MTHFS: variants seen among roughly 807,000 people sequenced by gnomAD.
The protein encoded by MTHFS is 5-formyltetrahydrofolate cyclo-ligase.
A neutral mutation model predicts 12.7 loss-of-function variants in MTHFS; 7 were observed. The observed-to-expected ratio is 0.55, with a 90% confidence interval of 0.31 to 1.03. The LOEUF is 1.03. Among genes scored for constraint, MTHFS ranks in the 50% least tolerant of loss-of-function variants. The pLI, the probability that MTHFS is intolerant of heterozygous loss-of-function variation, is 0.05. For missense variants in MTHFS, 252 were observed against 258.1 expected (o/e 0.98, Z 0.16); for synonymous variants, 100 against 97.1 (o/e 1.03, Z -0.18).
At chr15:79,896,128 C>T (rs1399264010) in intron 1 of MTHFS, among the ~76,000 whole-genome samples, 1 of 152,212 alleles carries the variant, frequency 6.6e-6, no homozygotes. Context: ...CCAACAAACA[C>T]GGACCCTCAC....
intron 2 of MTHFS, among the ~76,000 whole-genome samples, chr15:79,859,248 A>C (rs2033866468): frequency 6.6e-6 from 1 of 152,270 alleles, no homozygotes; most frequent in African/African-American, 2.4e-5. Context: ...TAAAAAATAA[A>C]TTTAGAATAG....
intron 2 of MTHFS, among the ~76,000 whole-genome samples, chr15:79,861,277 G>A (rs901956048): frequency 1.3e-5 from 2 of 152,068 alleles, no homozygotes; most frequent in African/African-American, 4.8e-5. Flanking sequence ...CCAAAACCTT[G>A]ATCCTAACCA....
chr15:79,855,217 G>C (rs2033778828), intron 2 of MTHFS, among the ~76,000 whole-genome samples: 1 of 152,022 alleles, frequency 6.6e-6, no homozygotes. Context: ...TCCTATCTTA[G>C]CAGATACTGA....
At chr15:79,875,655 C>T (rs1013650262) in intron 2 of MTHFS, among the ~76,000 whole-genome samples, 10 of 152,026 alleles carry the variant, frequency 6.6e-5, no homozygotes, top group African/African-American at 2.2e-4. Context: ...ATCTTCATGA[C>T]CTTGGATTAG....
intron 2 of MTHFS, chr15:79,877,245 T>A (rs146828914): frequency 1.3e-5 from 2 of 151,798 alleles, no homozygotes; most frequent in Admixed American, 1.3e-4. Context: ...AGAATACCAA[T>A]ATACTATACA....
chr15:79,896,715 GGC>G, intron 1 of MTHFS, 155 bp downstream of exon 1: 3 of 1,279,926 alleles, frequency 2.3e-6, no homozygotes, highest in Non-Finnish European at 3.1e-6. Context: ...ACGACTAGGG[GGC>G]GTGCGCGCGC....
At chr15:79,896,749 G>C in intron 1 of MTHFS, 123 bp downstream of exon 1, 1 of 1,377,916 alleles carries the variant, frequency 7.3e-7, no homozygotes, top group Non-Finnish European at 9.4e-7. Flanking sequence ...ACGTGCGCGC[G>C]CCGGGGGGTG....
intron 2 of MTHFS, among the ~76,000 whole-genome samples, chr15:79,853,744 T>C (rs1164672935): frequency 2.6e-5 from 4 of 152,180 alleles, no homozygotes; most frequent in Admixed American, 6.5e-5. Context: ...GCTCAAGCCT[T>C]AGGCAGAGCA....
chr15:79,869,423 T>A (rs1389944563), intron 2 of MTHFS, among the ~76,000 whole-genome samples: 1 of 152,174 alleles, frequency 6.6e-6, no homozygotes, highest in African/African-American at 2.4e-5. Flanking sequence ...AATCTGAGAT[T>A]TGTAACAATT....
chr15:79,881,544 C>T (rs1340642796), intron 2 of MTHFS, among the ~76,000 whole-genome samples: 1 of 150,456 alleles, frequency 6.6e-6, no homozygotes, highest in Non-Finnish European at 1.5e-5. Flanking sequence ...GTAGCTGGTT[C>T]TTCCTGTGTA....
chr15:79,883,149 A>G (rs912043444), intron 2 of MTHFS, among the ~76,000 whole-genome samples: 1 of 152,218 alleles, frequency 6.6e-6, no homozygotes, highest in Non-Finnish European at 1.5e-5. Context: ...GGTTACAGTT[A>G]GCTATGATTA....
intron 1 of MTHFS, 127 bp from the exon 2 acceptor site, chr15:79,889,481 G>T: frequency 1.5e-6 from 2 of 1,368,438 alleles, no homozygotes; most frequent in Admixed American, 2.7e-5. Context: ...AAAAGGGGGG[G>T]GGACCAGAGT....
chr15:79,864,812 T>C (rs893512024), intron 2 of MTHFS, among the ~76,000 whole-genome samples: 1 of 151,958 alleles, frequency 6.6e-6, no homozygotes, highest in Non-Finnish European at 1.5e-5. Flanking sequence ...AAAGGCAGAG[T>C]GGACATAATT....
At chr15:79,891,546 GGA>G (rs1472214798) in intron 1 of MTHFS, among the ~76,000 whole-genome samples, 1 of 152,014 alleles carries the variant, frequency 6.6e-6, no homozygotes, top group East Asian at 1.9e-4. Context: ...AAACAACTTA[GGA>G]GAAAGCCGTG....
intron 2 of MTHFS, chr15:79,877,321 A>T (rs893255127): frequency 3.9e-5 from 6 of 152,112 alleles, no homozygotes; most frequent in Non-Finnish European, 8.8e-5. Flanking sequence ...TTTGAAAAAT[A>T]ATGGCTGAGA....
upstream of MTHFS, chr15:79,897,143 G>A: frequency 1.6e-6 from 1 of 638,228 alleles, no homozygotes; most frequent in South Asian, 3.1e-5. Flanking sequence ...GCGGGCCCGC[G>A]GCGCGCCGCG....
At chr15:79,847,063 T>G (rs1157113942) in intron 2 of MTHFS, among the ~76,000 whole-genome samples, 1 of 152,102 alleles carries the variant, frequency 6.6e-6, no homozygotes, top group Non-Finnish European at 1.5e-5. Context: ...CAGGGACAAA[T>G]ACTAGAGACC....
chr15:79,872,413 G>A (rs28607646), intron 2 of MTHFS, among the ~76,000 whole-genome samples: 2,212 of 152,288 alleles, frequency 0.015, 46 homozygotes, highest in African/African-American at 0.05. Flanking sequence ...CAGGACAGGT[G>A]AGCCCCAAAA....
intron 2 of MTHFS, among the ~76,000 whole-genome samples, chr15:79,849,676 T>A (rs2033678016): frequency 6.6e-6 from 1 of 152,272 alleles, no homozygotes; most frequent in South Asian, 2.1e-4. Flanking sequence ...ATTAATAGCG[T>A]CCACTGACAG....
Sources: gnomAD v4.1 joint callset for allele counts (sites outside exome capture counted in the v4.1 genomes callset) on GRCh38, gnomAD v4.1.1 for gene constraint, MANE v1.5 for transcripts, NCBI Gene and HGNC (gene_info 2026-07-23, HGNC 2026-07-21) for gene names.